Variants in PEX7 observed in about 807,000 individuals in gnomAD.
PEX7 encodes the protein PTS2 receptor.
Under a neutral mutation model 47.5 loss-of-function variants are expected in PEX7, and 34 were observed. The ratio of observed to expected loss-of-function variants is 0.72; its 90% confidence interval spans 0.54 to 0.95. The LOEUF (loss-of-function observed/expected upper bound fraction) is 0.95. PEX7 is among the 40% of genes least tolerant of loss of function. The probability of loss-of-function intolerance (pLI) is 0.00; values close to 1 mark genes in which losing one functional copy is unlikely to be tolerated. For synonymous variants in PEX7, 141 were observed against 148.8 expected, an observed-to-expected ratio of 0.95 and a Z score of 0.38; for missense variants, 394 against 400.3, an observed-to-expected ratio of 0.98 and a Z score of 0.13.
intron 8 of PEX7, among the ~76,000 whole-genome samples, chr6:136,891,770 A>G (rs1271598778): frequency 6.6e-6 from 1 of 151,804 alleles, no homozygotes; most frequent in African/African-American, 2.4e-5. Context: ...CCTCCCAAGT[A>G]GCTGGGACTG....
chr6:136,884,573 T>G (rs1056430808), intron 8 of PEX7, among the ~76,000 whole-genome samples: 1 of 152,166 alleles, frequency 6.6e-6, no homozygotes, highest in African/African-American at 2.4e-5. Context: ...GGGTGTTATA[T>G]CAAAACTGAT....
At chr6:136,869,158 C>T (rs1321491484) in intron 6 of PEX7, among the ~76,000 whole-genome samples, 2 of 152,098 alleles carry the variant, frequency 1.3e-5, no homozygotes, top group Non-Finnish European at 2.9e-5. Context: ...CTCCTGGGCT[C>T]AAGTGATCCA....
At position 136,822,770 on chromosome 6, in the gene PEX7, C is replaced by T. The variant is rs1322373878; in HGVS notation, c.105C>T (p.Ala35=). The T allele has an allele frequency of 2.8e-6, 4 of 1,447,160 alleles. No individual in the cohort carries two copies. In the South Asian group the frequency reaches 5.4e-5, roughly 20 times the overall value. The allele number at this position is 1,447,160 out of a possible 1,614,324, so 89.6% of individuals were successfully genotyped here. Residue 35 remains alanine (A), a synonymous_variant, in exon 1 of 10, where the codon GCC becomes GCT. Coordinates refer to ENST00000318471, the MANE Select transcript of PEX7 (RefSeq NM_000288.4). The part of the protein sequence containing the change: ...SPYLPGRLAC[A]TAQHYGIAGC... ...ACCTGCCGGGCCGCCTGGCCTGCGCCACCGCGCAGCACTACGGCATCGCGG... is the reference window on the plus strand; with the variant it reads ...ACCTGCCGGGCCGCCTGGCCTGCGCTACCGCGCAGCACTACGGCATCGCGG...
At chr6:136,846,338 A>T (rs538284308) in intron 5 of PEX7, among the ~76,000 whole-genome samples, 157 bp downstream of exon 5, 144 of 151,812 alleles carry the variant, frequency 9.5e-4, no homozygotes, top group Admixed American at 1.8e-3. Context: ...TTTTATTTTT[A>T]TTTTTTTATT....
At chr6:136,893,309 A>G (rs1443436037) in intron 8 of PEX7, among the ~76,000 whole-genome samples, 2 of 151,886 alleles carry the variant, frequency 1.3e-5, no homozygotes, top group African/African-American at 4.8e-5. Flanking sequence ...CGCCAGCCTC[A>G]TGGGCCCTCT....
chr6:136,913,381 G>T, intron 9 of PEX7, 77 bp from the exon 10 acceptor site: 1 of 943,546 alleles, frequency 1.1e-6, no homozygotes, highest in Non-Finnish European at 1.7e-6. Flanking sequence ...CACTCTAAAT[G>T]ACTTGAGTTT....
At chr6:136,884,376 G>A (rs991894842) in intron 8 of PEX7, among the ~76,000 whole-genome samples, 3 of 152,154 alleles carry the variant, frequency 2.0e-5, no homozygotes, top group African/African-American at 7.2e-5. Context: ...AAAGATTTCA[G>A]ATATAAGACC....
chr6:136,911,299 C>T (rs948719993), intron 9 of PEX7, among the ~76,000 whole-genome samples: 17 of 152,140 alleles, frequency 1.1e-4, no homozygotes, highest in Admixed American at 8.5e-4. Context: ...GAGCTTCACC[C>T]GTGGTACTGA....
At position 136,826,314 on chromosome 6, in the gene PEX7, T is replaced by C; in HGVS notation, c.189-5T>C. On this transcript the variant is annotated splice_polypyrimidine_tract_variant and splice_region_variant and intron_variant, in intron 2 of 9. Transcript: ENST00000318471. The stretch of plus-strand genomic sequence containing the variant: ...TTTTTTGTTGTTTGTTTTTTCCTAG[T>C]GTAGCTTTGACTGGAATGATGGTTT... 1 of 1,614,012 alleles carries C rather than the reference T, an allele frequency of 6.2e-7. No homozygotes were observed. The highest frequency in any genetic ancestry group is 8.5e-7 in the Non-Finnish European group (1 of 1,180,014).
chr6:136,886,809 T>G lies in PEX7; in HGVS notation c.804-11333T>G, dbSNP rs564099217. The stretch of plus-strand genomic sequence containing the variant: ...GGCTTATGCTTGTATTCCTAGCACT[T>G]TGGGAGGCCAAGGCGGGAAAATTTC... On this transcript the variant is annotated intron_variant, in intron 8 of 9. Coordinates refer to ENST00000318471, the MANE Select transcript of PEX7 (RefSeq NM_000288.4). Among the ~76,000 whole-genome samples the G allele has an allele frequency of 5.9e-5, 9 of 152,196 alleles. No individual in the cohort carries two copies. In the South Asian group the frequency reaches 1.9e-3, roughly 32 times the overall value.
At position 136,913,515 on chromosome 6, in the gene PEX7, A is replaced by T; in HGVS notation, c.961A>T (p.Ile321Phe). The T allele has an allele frequency of 6.2e-7, 1 of 1,609,834 alleles. No individual in the cohort carries two copies. Among genetic ancestry groups the T allele is most frequent in the Non-Finnish European group, 8.5e-7 (1 of 1,176,502 alleles). Residue 321 changes from isoleucine (I) to phenylalanine (F), a missense_variant, in exon 10 of 10, where the codon ATT becomes TTT. Transcript: ENST00000318471. ...GATCTATGACCCTGCTTGTCTTACT[A>T]TTCCTGCTTGAGATACACTACTTTG... ...IKIYDPACLT[I>F]PA is the part of the protein sequence containing the mutation.
chr6:136,826,374 G>A lies in PEX7; in HGVS notation c.244G>A (p.Val82Ile), dbSNP rs770777194. 9.3e-6 allele frequency: 15 copies of A among 1,613,996 alleles called. No homozygotes were observed. The highest frequency in any genetic ancestry group is 1.2e-5 in the Non-Finnish European group (14 of 1,180,018). The change falls in exon 3 of 10, where the codon GTC becomes ATC. Residue 82 changes from valine (V) to isoleucine (I), a missense_variant. Coordinates refer to ENST00000318471, the MANE Select transcript of PEX7 (RefSeq NM_000288.4). ...DVTWSENNEH[V>I]LITCSGDGSL... is the part of the protein sequence containing the mutation. The stretch of plus-strand genomic sequence containing the variant: ...GACTTGGAGTGAGAACAACGAACAT[G>A]TCCTCATCACCTGTAGTGGCGATGG...
chr6:136,830,321 A>G (rs1039290182), intron 3 of PEX7: 12 of 325,282 alleles, frequency 3.7e-5, no homozygotes, highest in South Asian at 7.6e-5. Context: ...GAACTTTTCC[A>G]GTTACCCACT....
At chr6:136,883,804 A>G (rs550905487) in intron 8 of PEX7, among the ~76,000 whole-genome samples, 5 of 152,326 alleles carry the variant, frequency 3.3e-5, no homozygotes, top group African/African-American at 1.2e-4. Context: ...TTAATGGGAA[A>G]CTTATCCCTA....
At chr6:136,828,474 A>T (rs542132574) in intron 3 of PEX7, among the ~76,000 whole-genome samples, 1 of 152,314 alleles carries the variant, frequency 6.6e-6, no homozygotes, top group Non-Finnish European at 1.5e-5. Flanking sequence ...CTTCTATAGC[A>T]ACCAACTGCT....
At chr6:136,896,980 C>T (rs1775663372) in intron 8 of PEX7, among the ~76,000 whole-genome samples, 1 of 152,204 alleles carries the variant, frequency 6.6e-6, no homozygotes, top group Non-Finnish European at 1.5e-5. Context: ...AGAATGCATA[C>T]AGCTTGTTCC....
intron 5 of PEX7, among the ~76,000 whole-genome samples, chr6:136,854,603 G>A (rs80167442): frequency 3.2e-4 from 49 of 152,226 alleles, no homozygotes; most frequent in East Asian, 2.3e-3. Context: ...TAATTTTACC[G>A]TTGGTGAAAG....
At chr6:136,837,625 G>A (rs1274320923) in intron 3 of PEX7, among the ~76,000 whole-genome samples, 1 of 152,076 alleles carries the variant, frequency 6.6e-6, no homozygotes, top group Admixed American at 6.6e-5. Context: ...TAGTGTCTTT[G>A]GAGAAGTCAT....
At chr6:136,833,331 C>A (rs1774327270) in intron 3 of PEX7, among the ~76,000 whole-genome samples, 1 of 152,168 alleles carries the variant, frequency 6.6e-6, no homozygotes, top group African/African-American at 2.4e-5. Flanking sequence ...ATGATCCAGT[C>A]ACCTCCTACC....
Sources: allele counts gnomAD v4.1 joint callset (sites outside exome capture counted in the v4.1 genomes callset), GRCh38; gene constraint gnomAD v4.1.1; transcripts MANE v1.5; gene names NCBI Gene and HGNC (gene_info 2026-07-23, HGNC 2026-07-21).